Variants in C2orf92 observed in about 807,000 individuals in gnomAD.
C2orf92 encodes uncharacterized protein C2orf92.
intron 3 of C2orf92, 110 bp from the exon 4 acceptor site, chr2:97,688,785 C>T (rs114151062): frequency 1.3e-3 from 526 of 396,396 alleles, no homozygotes; most frequent in African/African-American, 9.4e-3. Flanking sequence ...ATATCTGTGG[C>T]GTTTGCGTCA....
At position 97,680,700 on chromosome 2, in the gene C2orf92, G is replaced by A. The variant is rs201876715; in HGVS notation, c.232+4772G>A. Among the ~76,000 whole-genome samples, 4 of 152,322 alleles carry A rather than the reference G, an allele frequency of 2.6e-5. No homozygotes were observed. The East Asian group carries it at 5.8e-4, about 22-fold the overall frequency. On this transcript the variant is annotated intron_variant, in intron 3 of 7. Transcript: ENST00000627399. ...CCAGCACTTTAGGAGGCCGAGGCGG[G>A]CGGATCATGAGGTCAGGAGATCGAG...
chr2:97,680,627 A>G (rs1001869769), intron 3 of C2orf92, among the ~76,000 whole-genome samples: 5 of 152,152 alleles, frequency 3.3e-5, no homozygotes, highest in Admixed American at 2.6e-4. Context: ...TCAATAATGA[A>G]TAGAACTAGA....
chr2:97,685,894 C>G (rs1573216459), intron 3 of C2orf92, among the ~76,000 whole-genome samples: 1 of 152,106 alleles, frequency 6.6e-6, no homozygotes, highest in Non-Finnish European at 1.5e-5. Flanking sequence ...AGAAAAATAA[C>G]AGATATTGGT....
At position 97,687,412 on chromosome 2, in the gene C2orf92, C is replaced by T. The variant is rs147925614; in HGVS notation, c.233-1483C>T. ...AAATTTTATGTTAAGTGTATTTTAC[C>T]ACCACCACCACCACCACAACAAAGC... On this transcript the variant is annotated intron_variant, in intron 3 of 7. Transcript: ENST00000627399. Among the ~76,000 whole-genome samples the T allele has an allele frequency of 2.7e-3, 409 of 152,076 alleles. 1 individual carries two copies. Among genetic ancestry groups the T allele is most frequent in the Middle Eastern group, 0.01 (3 of 292 alleles).
chr2:97,691,944 G>A (rs1467836046), intron 5 of C2orf92, among the ~76,000 whole-genome samples: 3 of 152,250 alleles, frequency 2.0e-5, no homozygotes, highest in South Asian at 2.1e-4. Context: ...ATGTCTTGTC[G>A]GACTAGTTCC....
chr2:97,701,554 G>A (rs976217872), intron 7 of C2orf92, among the ~76,000 whole-genome samples: 1 of 152,224 alleles, frequency 6.6e-6, no homozygotes, highest in Non-Finnish European at 1.5e-5. Context: ...TGCCTCTCAA[G>A]GCCACTACGG....
chr2:97,695,422 T>C (rs1485519300), intron 5 of C2orf92, among the ~76,000 whole-genome samples: 1 of 152,246 alleles, frequency 6.6e-6, no homozygotes, highest in East Asian at 1.9e-4. Context: ...TTAAAATTCT[T>C]GTGCTGGTTT....
chr2:97,683,238 C>T (rs1313378627), intron 3 of C2orf92, among the ~76,000 whole-genome samples: 3 of 151,928 alleles, frequency 2.0e-5, no homozygotes, highest in Non-Finnish European at 2.9e-5. Context: ...GATATGAGAA[C>T]AATTAATTCC....
intron 5 of C2orf92, among the ~76,000 whole-genome samples, chr2:97,697,521 G>A (rs150957672): frequency 4.6e-5 from 7 of 152,238 alleles, no homozygotes; most frequent in Admixed American, 3.9e-4. Context: ...ATCTGAGTCG[G>A]ATTTGACATG....
chr2:97,683,414 A>T (rs1675847558), intron 3 of C2orf92, among the ~76,000 whole-genome samples: 1 of 152,124 alleles, frequency 6.6e-6, no homozygotes, highest in Admixed American at 6.6e-5. Flanking sequence ...TAAGATGTCA[A>T]AATTGACCTG....
chr2:97,693,299 A>C (rs1010445028), intron 5 of C2orf92, among the ~76,000 whole-genome samples: 1 of 152,176 alleles, frequency 6.6e-6, no homozygotes, highest in African/African-American at 2.4e-5. Flanking sequence ...TAGGTATGCA[A>C]ATATCTCCAA....
intron 2 of C2orf92, among the ~76,000 whole-genome samples, chr2:97,675,302 T>C (rs1675539658): frequency 6.6e-6 from 1 of 152,246 alleles, no homozygotes; most frequent in Non-Finnish European, 1.5e-5. Flanking sequence ...TGCCAATGCA[T>C]TCCATAAGCC....
At chr2:97,696,065 A>G (rs1476589405) in intron 5 of C2orf92, among the ~76,000 whole-genome samples, 1 of 152,232 alleles carries the variant, frequency 6.6e-6, no homozygotes, top group African/African-American at 2.4e-5. Flanking sequence ...GCTGGAAGCT[A>G]GAGAGCTCAG....
rs1675515238 is a variant in C2orf92 at position 97,674,570 on chromosome 2, C to T, written c.148+13C>T. On this transcript the variant is annotated intron_variant, in intron 2 of 7. Coordinates refer to ENST00000627399, the MANE Select transcript of C2orf92 (RefSeq NM_001351368.2). ...GACACACAAAAAAGCAAGTATATGT[C>T]GTTAACCTGACATGTGTACATACCT... The T allele has an allele frequency of 5.0e-6, 2 of 398,520 alleles. No homozygotes were observed. Among genetic ancestry groups the T allele is most frequent in the South Asian group, 1.3e-4 (1 of 7,816 alleles). 24.7% of individuals were successfully genotyped at this position (398,520 alleles called of 1,614,324 possible).
At chr2:97,665,761 ATATATATATATATT>A (rs1675209781), upstream of C2orf92, 1 of 100,650 alleles carries the variant, frequency 9.9e-6, no homozygotes, top group Non-Finnish European at 2.2e-5. Context: ...ATATATATAT[ATATATATATATATT>A]TTGTTTTGTT....
intron 3 of C2orf92, among the ~76,000 whole-genome samples, chr2:97,684,890 A>C (rs1468566081): frequency 1.3e-5 from 2 of 152,070 alleles, no homozygotes; most frequent in Non-Finnish European, 2.9e-5. Context: ...GAAATGCAAA[A>C]TATCACTATT....
At chr2:97,701,879 G>A (rs1366058140) in intron 7 of C2orf92, among the ~76,000 whole-genome samples, 1 of 152,104 alleles carries the variant, frequency 6.6e-6, no homozygotes, top group African/African-American at 2.4e-5. Flanking sequence ...ATTTTGACTG[G>A]TCAGTGCCTG....
intron 3 of C2orf92, among the ~76,000 whole-genome samples, chr2:97,681,730 C>T (rs1311413576): frequency 5.3e-5 from 8 of 151,970 alleles, no homozygotes; most frequent in African/African-American, 1.9e-4. Context: ...TGGTGGCGGG[C>T]GCCTGTAGTC....
chr2:97,670,599 C>CT (rs1675383717), intron 1 of C2orf92: 3 of 152,144 alleles, frequency 2.0e-5, no homozygotes. Flanking sequence ...GGTTCTCCCT[C>CT]TGTCACCCAG....
Sources: gnomAD v4.1 joint callset for allele counts (sites outside exome capture counted in the v4.1 genomes callset) on GRCh38, gnomAD v4.1.1 for gene constraint, MANE v1.5 for transcripts, NCBI Gene and HGNC (gene_info 2026-07-23, HGNC 2026-07-21) for gene names.